Variants in IGF1 observed in about 807,000 individuals in gnomAD.
The protein encoded by IGF1 is insulin-like growth factor 1.
IGF1 carries 4 observed loss-of-function variants against 13.8 expected under a neutral mutation model. The observed-to-expected ratio is 0.29, with a 90% CI of 0.14 to 0.66. IGF1 has a LOEUF of 0.66. Ranked by LOEUF, IGF1 falls within the 30% of genes least tolerant of loss-of-function variation. The pLI is 0.78. For missense variants in IGF1, 124 were observed against 188.5 expected (o/e 0.66, Z 2.00); for synonymous variants, 76 against 72.6 (o/e 1.05, Z -0.23).
At chr12:102,436,504 C>T (rs1273570502) in intron 2 of IGF1, among the ~76,000 whole-genome samples, 1 of 152,132 alleles carries the variant, frequency 6.6e-6, no homozygotes, top group African/African-American at 2.4e-5. Flanking sequence ...TGCCCTATAA[C>T]CTCCTAGGGT....
At chr12:102,473,019 G>A (rs538228454) in intron 2 of IGF1, among the ~76,000 whole-genome samples, 1 of 152,006 alleles carries the variant, frequency 6.6e-6, no homozygotes, top group Non-Finnish European at 1.5e-5. Context: ...CATTCTATTC[G>A]ATTGGATTCA....
At chr12:102,459,775 T>A (rs1459293452) in intron 2 of IGF1, among the ~76,000 whole-genome samples, 1 of 152,216 alleles carries the variant, frequency 6.6e-6, no homozygotes, top group Non-Finnish European at 1.5e-5. Context: ...GTCTTTTAAA[T>A]TCTAGCTCAG....
chr12:102,447,874 T>C (rs1878494438), intron 2 of IGF1, among the ~76,000 whole-genome samples: 1 of 152,180 alleles, frequency 6.6e-6, no homozygotes, highest in Non-Finnish European at 1.5e-5. Flanking sequence ...AAACACTTCC[T>C]GACTAAAACA....
intron 2 of IGF1, among the ~76,000 whole-genome samples, chr12:102,446,975 G>A (rs527247639): frequency 1.3e-5 from 2 of 151,902 alleles, no homozygotes; most frequent in Admixed American, 1.3e-4. Context: ...CCTTAATTTT[G>A]TTATTTACCC....
chr12:102,458,519 A>G (rs575105926), intron 2 of IGF1, among the ~76,000 whole-genome samples: 1 of 152,298 alleles, frequency 6.6e-6, no homozygotes, highest in East Asian at 1.9e-4. Context: ...CGACTCAGCC[A>G]TGTCTACATT....
intron 2 of IGF1, chr12:102,423,120 A>G (rs1318933273): frequency 6.6e-6 from 1 of 152,144 alleles, no homozygotes; most frequent in Non-Finnish European, 1.5e-5. Context: ...CTTGGGCCCA[A>G]TATTCAGTAT....
At position 102,445,293 on chromosome 12, in the gene IGF1, T is replaced by A. The variant is rs532110756; in HGVS notation, c.221-25603A>T. ...GTGAAGAAAGTCAATGGTACCTTGA[T>A]GGGAATAGCATTGAATCTATAAATT... On this transcript the variant is annotated intron_variant, in intron 2 of 3. Coordinates refer to ENST00000337514, the MANE Select transcript of IGF1 (RefSeq NM_000618.5). Among the ~76,000 whole-genome samples, 11 of 152,354 alleles carry A rather than the reference T, an allele frequency of 7.2e-5. No individual in the cohort carries two copies. The South Asian group carries it at 2.3e-3, about 32-fold the overall frequency.
At chr12:102,481,484 G>C (rs1040093254), upstream of IGF1, among the ~76,000 whole-genome samples, 1 of 151,902 alleles carries the variant, frequency 6.6e-6, no homozygotes, top group African/African-American at 2.4e-5. Flanking sequence ...CCTCTCGAGG[G>C]TTATGATGTC....
chr12:102,453,958 C>G (rs1365782681), intron 2 of IGF1, among the ~76,000 whole-genome samples: 1 of 152,190 alleles, frequency 6.6e-6, no homozygotes, highest in Non-Finnish European at 1.5e-5. Context: ...CATGTAAGTG[C>G]TTAAAACAGT....
In IGF1 at chr12:102,399,770, A is replaced by T. The variant is rs1281733578; in HGVS notation, c.*2737T>A. 6.6e-6 allele frequency: 1 copy of T among 152,198 alleles called. No individual in the cohort carries two copies. Among genetic ancestry groups the T allele is most frequent in the Admixed American group, 6.5e-5 (1 of 15,276 alleles). The allele number at this position is 152,198 out of a possible 1,614,324, so 9.4% of individuals were successfully genotyped here. On this transcript the variant is annotated 3_prime_UTR_variant, in exon 4 of 4. Transcript: ENST00000337514. ...TCATAGACACTCTTAGAATTATCAC[A>T]TCTAACTATGACAGAAAACACGTTA...
chr12:102,417,505 C>A (rs1214598508), intron 3 of IGF1: 4 of 984,070 alleles, frequency 4.1e-6, no homozygotes, highest in Admixed American at 5.4e-5. Context: ...TATTTAAATT[C>A]TTTTATTTAA....
At chr12:102,402,598 T>C (rs1372838700) in intron 3 of IGF1, 32 bp from the exon 4 acceptor site, 3 of 780,220 alleles carry the variant, frequency 3.8e-6, no homozygotes, top group African/African-American at 1.7e-5. Flanking sequence ...TGACATTAAC[T>C]TGATGAAGTT....
At chr12:102,418,340 C>G (rs1036847146) in intron 3 of IGF1, among the ~76,000 whole-genome samples, 2 of 152,326 alleles carry the variant, frequency 1.3e-5, no homozygotes, top group East Asian at 3.9e-4. Context: ...CTACTGTGTT[C>G]TGTGTGTGTT....
intron 2 of IGF1, among the ~76,000 whole-genome samples, chr12:102,429,617 C>T (rs1198200077): frequency 6.6e-6 from 1 of 152,130 alleles, no homozygotes; most frequent in Non-Finnish European, 1.5e-5. Context: ...GCCCAGATTC[C>T]CAAACCTCCT....
chr12:102,417,740 T>G, intron 3 of IGF1: 1 of 1,594,618 alleles, frequency 6.3e-7, no homozygotes, highest in Admixed American at 1.7e-5. Flanking sequence ...TTTCCTCTAT[T>G]GTATTTTCTG....
chr12:102,454,964 G>T (rs1879270134), intron 2 of IGF1, among the ~76,000 whole-genome samples: 1 of 152,218 alleles, frequency 6.6e-6, no homozygotes, highest in Admixed American at 6.5e-5. Context: ...GGCCAGAGCT[G>T]CTTTTCCACA....
intron 2 of IGF1, among the ~76,000 whole-genome samples, chr12:102,429,024 C>T (rs1876494334): frequency 6.6e-6 from 1 of 152,142 alleles, no homozygotes; most frequent in Admixed American, 6.5e-5. Context: ...TTTCAAATGC[C>T]ATCCTCTTTT....
chr12:102,418,546 A>T (rs1433084848), intron 3 of IGF1, among the ~76,000 whole-genome samples: 3 of 152,244 alleles, frequency 2.0e-5, no homozygotes, highest in African/African-American at 7.2e-5. Flanking sequence ...GATTAAAACC[A>T]CATGTTGGCA....
intron 2 of IGF1, among the ~76,000 whole-genome samples, chr12:102,440,177 C>A (rs950941198): frequency 2.2e-4 from 33 of 152,196 alleles, no homozygotes; most frequent in African/African-American, 8.0e-4. Context: ...TCCAAATCCG[C>A]ATGGCTTCCC....
Sources: gnomAD v4.1 joint callset for allele counts (sites outside exome capture counted in the v4.1 genomes callset) on GRCh38, gnomAD v4.1.1 for gene constraint, MANE v1.5 for transcripts, NCBI Gene and HGNC (gene_info 2026-07-23, HGNC 2026-07-21) for gene names.